Variants in GALNT13 observed in about 807,000 individuals in gnomAD.
GALNT13 encodes the protein polypeptide N-acetylgalactosaminyltransferase 13.
A neutral mutation model predicts 64.2 loss-of-function variants in GALNT13; 28 were observed. The ratio of observed to expected loss-of-function variants is 0.44; its 90% CI spans 0.32 to 0.60. GALNT13 has a LOEUF of 0.60. Among genes scored for constraint, GALNT13 ranks in the 20% least tolerant of loss-of-function variants. The pLI is 0.05. For missense variants in GALNT13, 577 were observed against 669.8 expected (o/e 0.86, Z 1.53); for synonymous variants, 214 against 224.6 (o/e 0.95, Z 0.42).
At chr2:153,190,052 C>T in the GALNT13 span, among the ~76,000 whole-genome samples, 1 of 152,034 alleles carries the variant, frequency 6.6e-6, no homozygotes, top group Non-Finnish European at 1.5e-5. Flanking sequence ...TGTCTCTTCA[C>T]TTTGTTGATT....
At chr2:153,923,974 T>A (rs529002989) in intron 2 of GALNT13, among the ~76,000 whole-genome samples, 1 of 152,136 alleles carries the variant, frequency 6.6e-6, no homozygotes, top group South Asian at 2.1e-4. Flanking sequence ...AAGTCTTTGC[T>A]ATTGTGAATA....
the GALNT13 span, among the ~76,000 whole-genome samples, chr2:153,313,543 C>A: frequency 3.3e-5 from 5 of 150,370 alleles, no homozygotes; most frequent in Non-Finnish European, 3.0e-5. Context: ...TGGGGCCTAT[C>A]AGAGGGTGGC....
the GALNT13 span, among the ~76,000 whole-genome samples, chr2:153,750,415 T>C: frequency 1.3e-5 from 2 of 151,954 alleles, no homozygotes; most frequent in African/African-American, 4.8e-5. Context: ...AGTTTTTCTT[T>C]AAACGTTTCA....
chr2:154,348,389 G>GTGC, intron 9 of GALNT13, among the ~76,000 whole-genome samples: 1 of 151,986 alleles, frequency 6.6e-6, no homozygotes, highest in East Asian at 1.9e-4. Context: ...AGTGTTAATA[G>GTGC]TGCTTAATAG....
the GALNT13 span, among the ~76,000 whole-genome samples, chr2:153,267,667 G>A: frequency 6.6e-6 from 1 of 152,210 alleles, no homozygotes; most frequent in Non-Finnish European, 1.5e-5. Flanking sequence ...CTCTGGACTT[G>A]TGATGGGAGA....
At chr2:153,923,821 G>A (rs1689924499) in intron 2 of GALNT13, among the ~76,000 whole-genome samples, 2 of 151,478 alleles carry the variant, frequency 1.3e-5, no homozygotes, top group South Asian at 4.2e-4. Flanking sequence ...ATAGTTTGCT[G>A]AGAATGATGG....
chr2:154,241,191 G>A (rs987672654), intron 4 of GALNT13, among the ~76,000 whole-genome samples: 1 of 152,138 alleles, frequency 6.6e-6, no homozygotes, highest in South Asian at 2.1e-4. Context: ...GTGGTGGAGC[G>A]GGGGTGGTTA....
chr2:153,270,750 A>G, the GALNT13 span, among the ~76,000 whole-genome samples: 1 of 152,076 alleles, frequency 6.6e-6, no homozygotes, highest in Non-Finnish European at 1.5e-5. Context: ...TACTTGAGAG[A>G]CTGAGGTGGG....
At chr2:154,290,275 A>G (rs1390034439) in intron 8 of GALNT13, among the ~76,000 whole-genome samples, 1 of 152,210 alleles carries the variant, frequency 6.6e-6, no homozygotes, top group Non-Finnish European at 1.5e-5. Flanking sequence ...GGGAATGCCT[A>G]CTTTTCCATT....
the GALNT13 span, among the ~76,000 whole-genome samples, chr2:153,403,459 G>T: frequency 1.3e-5 from 2 of 152,184 alleles, no homozygotes; most frequent in Admixed American, 1.3e-4. Flanking sequence ...GCTCCACCCA[G>T]TTCGAGCTTC....
chr2:154,370,752 C>A (rs1296273833), intron 9 of GALNT13, among the ~76,000 whole-genome samples: 1 of 152,042 alleles, frequency 6.6e-6, no homozygotes, highest in Non-Finnish European at 1.5e-5. Context: ...TTAAATCAGG[C>A]TTAGTGTTAA....
At chr2:153,503,117 A>G in the GALNT13 span, among the ~76,000 whole-genome samples, 1 of 152,092 alleles carries the variant, frequency 6.6e-6, no homozygotes, top group East Asian at 1.9e-4. Flanking sequence ...TTTTCGTTGC[A>G]TTTGCTTTGG....
the GALNT13 span, among the ~76,000 whole-genome samples, chr2:153,190,290 C>T: frequency 1.3e-3 from 191 of 152,080 alleles, 1 homozygote; most frequent in South Asian, 4.4e-3. Flanking sequence ...TAGTTTCATT[C>T]TTCTGCATAT....
chr2:153,121,309 A>G, the GALNT13 span, among the ~76,000 whole-genome samples: 1 of 152,220 alleles, frequency 6.6e-6, no homozygotes, highest in Non-Finnish European at 1.5e-5. Context: ...TCCTGTGGAA[A>G]TTAGTTTTAG....
At chr2:154,239,969 C>CA (rs1018481228) in intron 4 of GALNT13, among the ~76,000 whole-genome samples, 1 of 152,108 alleles carries the variant, frequency 6.6e-6, no homozygotes, top group African/African-American at 2.4e-5. Flanking sequence ...CTGTATGTGT[C>CA]ATGCATTAAC....
At chr2:153,212,110 C>T in the GALNT13 span, among the ~76,000 whole-genome samples, 2 of 152,162 alleles carry the variant, frequency 1.3e-5, no homozygotes, top group Non-Finnish European at 2.9e-5. Context: ...ACCAGCACAT[C>T]CTACTGTCAA....
chr2:154,084,734 G>A (rs1701442911), intron 3 of GALNT13, among the ~76,000 whole-genome samples: 1 of 151,780 alleles, frequency 6.6e-6, no homozygotes, highest in Non-Finnish European at 1.5e-5. Context: ...TTTATATAAA[G>A]GTTTCCTTCT....
At chr2:153,095,371 T>A in the GALNT13 span, among the ~76,000 whole-genome samples, 1 of 152,118 alleles carries the variant, frequency 6.6e-6, no homozygotes, top group African/African-American at 2.4e-5. Context: ...ATGGCGATCA[T>A]TAAAAAGTCA....
chr2:153,478,766 G>A, the GALNT13 span: 2 of 564,852 alleles, frequency 3.5e-6, no homozygotes, highest in Non-Finnish European at 6.3e-6. Context: ...CTCTTCTAAA[G>A]CCGTCCGCTC....
Sources: gnomAD v4.1 joint callset for allele counts (sites outside exome capture counted in the v4.1 genomes callset) on GRCh38, gnomAD v4.1.1 for gene constraint, MANE v1.5 for transcripts, NCBI Gene and HGNC (gene_info 2026-07-23, HGNC 2026-07-21) for gene names.